Variants in SLC4A4 observed in about 807,000 individuals in gnomAD.
SLC4A4 encodes solute carrier family 4 member 4, also known as electrogenic sodium bicarbonate cotransporter 1.
A neutral mutation model predicts 111.5 loss-of-function variants in SLC4A4; 27 were observed. That is an observed-to-expected ratio of 0.24 (90% CI 0.18 to 0.33). SLC4A4 has a LOEUF of 0.33. Ranked by LOEUF, SLC4A4 falls within the 10% of genes least tolerant of loss-of-function variation. SLC4A4 has a pLI of 1.00. For missense variants in SLC4A4, 909 were observed against 1,315.5 expected (o/e 0.69, Z 4.78); for synonymous variants, 443 against 463.4 (o/e 0.96, Z 0.57).
At chr4:71,423,285 T>C (rs1448407608) in intron 7 of SLC4A4, among the ~76,000 whole-genome samples, 1 of 152,118 alleles carries the variant, frequency 6.6e-6, no homozygotes, top group African/African-American at 2.4e-5. Flanking sequence ...TTACAAGGGA[T>C]GTGAAGGACC....
chr4:71,282,136 A>T (rs1723568287), intron 3 of SLC4A4, among the ~76,000 whole-genome samples: 2 of 152,162 alleles, frequency 1.3e-5, no homozygotes, highest in Admixed American at 1.3e-4. Flanking sequence ...TTAAAAAATG[A>T]TCTGAGTTCT....
intron 14 of SLC4A4, among the ~76,000 whole-genome samples, chr4:71,481,706 A>G (rs1316707169): frequency 6.6e-6 from 1 of 151,630 alleles, no homozygotes; most frequent in Non-Finnish European, 1.5e-5. Flanking sequence ...AAATAGGCTA[A>G]GAAGGAAAAG....
intron 6 of SLC4A4, among the ~76,000 whole-genome samples, chr4:71,359,784 T>C (rs1730598690): frequency 6.6e-6 from 1 of 152,202 alleles, no homozygotes; most frequent in Non-Finnish European, 1.5e-5. Context: ...TCTGTTGTAG[T>C]TGGAGCTAGA....
At chr4:71,206,671 C>A (rs1352133760) in intron 1 of SLC4A4, among the ~76,000 whole-genome samples, 1 of 152,090 alleles carries the variant, frequency 6.6e-6, no homozygotes, top group Non-Finnish European at 1.5e-5. Flanking sequence ...AAAGATCAAA[C>A]TGTTAACTCC....
At chr4:71,318,095 A>G (rs1470688596) in intron 3 of SLC4A4, among the ~76,000 whole-genome samples, 2 of 152,060 alleles carry the variant, frequency 1.3e-5, no homozygotes, top group African/African-American at 4.8e-5. Context: ...TGAAAGAATA[A>G]AAATAAAACT....
intron 7 of SLC4A4, among the ~76,000 whole-genome samples, chr4:71,405,659 A>G (rs1412342189): frequency 1.3e-5 from 2 of 152,174 alleles, no homozygotes; most frequent in Non-Finnish European, 2.9e-5. Context: ...TATATGAGTT[A>G]TGTTCTAGAT....
At chr4:71,234,838 T>C (rs1719694035) in intron 1 of SLC4A4, among the ~76,000 whole-genome samples, 2 of 152,250 alleles carry the variant, frequency 1.3e-5, no homozygotes, top group East Asian at 3.9e-4. Context: ...AGAAGGAAAA[T>C]GATGTATATC....
chr4:71,124,791 T>C (rs1378567846), intron 2 of SLC4A4, among the ~76,000 whole-genome samples: 2 of 152,200 alleles, frequency 1.3e-5, no homozygotes, highest in African/African-American at 4.8e-5. Context: ...AAGCGAGGGG[T>C]GTGGACCCAG....
chr4:71,331,699 G>T (rs1321131556), intron 3 of SLC4A4, among the ~76,000 whole-genome samples: 4 of 149,872 alleles, frequency 2.7e-5, no homozygotes, highest in African/African-American at 9.9e-5. Context: ...CCTGCCCGTT[G>T]TGCACATGTA....
At chr4:71,193,412 G>C (rs1339996085) in intron 1 of SLC4A4, among the ~76,000 whole-genome samples, 3 of 152,164 alleles carry the variant, frequency 2.0e-5, no homozygotes, top group African/African-American at 7.2e-5. Context: ...GCCCGCCTTG[G>C]CCTCCCAAAG....
chr4:71,164,895 T>C (rs1744703050), intron 2 of SLC4A4, among the ~76,000 whole-genome samples: 1 of 151,876 alleles, frequency 6.6e-6, no homozygotes, highest in Admixed American at 6.6e-5. Flanking sequence ...GGGCAAAAGA[T>C]AGGAACAGAC....
At chr4:71,382,524 C>T (rs1249732852) in intron 6 of SLC4A4, among the ~76,000 whole-genome samples, 3 of 152,180 alleles carry the variant, frequency 2.0e-5, no homozygotes, top group Non-Finnish European at 4.4e-5. Context: ...TTTTCTTGGT[C>T]TGTGCAAATG....
chr4:71,086,787 G>T (rs1253628080), intron 1 of SLC4A4, among the ~76,000 whole-genome samples: 6 of 151,932 alleles, frequency 3.9e-5, no homozygotes, highest in Admixed American at 6.6e-5. Context: ...CTTCTTGATG[G>T]GCTGCTGGAT....
At chr4:71,514,835 G>A (rs1000781511) in intron 16 of SLC4A4, among the ~76,000 whole-genome samples, 1 of 152,078 alleles carries the variant, frequency 6.6e-6, no homozygotes, top group African/African-American at 2.4e-5. Context: ...GAGTTGTAAT[G>A]TGTCCTTTTT....
In SLC4A4 at chr4:71,501,922, C is replaced by A. The variant is rs187435031; in HGVS notation, c.2166+4230C>A. Among the ~76,000 whole-genome samples, 301 of 152,102 alleles carry A rather than the reference C, an allele frequency of 2.0e-3. 4 individuals are homozygous for A. The highest frequency in any genetic ancestry group is 6.9e-3 in the African/African-American group (286 of 41,522). The stretch of plus-strand genomic sequence containing the variant: ...TTGTGATCCCCCTGCCTAGGCCTCT[C>A]AAAGTGCTGGGATTACAGGCGTGAA... On this transcript the variant is annotated intron_variant, in intron 16 of 25. Transcript: ENST00000264485.
intron 1 of SLC4A4, among the ~76,000 whole-genome samples, chr4:71,085,260 T>G (rs1239545312): frequency 2.0e-5 from 3 of 152,098 alleles, no homozygotes; most frequent in Admixed American, 2.0e-4. Flanking sequence ...TTGTTTGTTT[T>G]TTTCTTGTAA....
intron 7 of SLC4A4, among the ~76,000 whole-genome samples, chr4:71,415,392 T>C (rs983585023): frequency 2.0e-5 from 3 of 152,176 alleles, no homozygotes; most frequent in Admixed American, 6.5e-5. Flanking sequence ...ATTATAATTA[T>C]TGGTACCATT....
chr4:71,556,246 A>G (rs1309238442), intron 21 of SLC4A4, among the ~76,000 whole-genome samples: 2 of 151,980 alleles, frequency 1.3e-5, no homozygotes, highest in East Asian at 3.9e-4. Context: ...ACAAAATACA[A>G]GGTGGTTCTT....
intron 1 of SLC4A4, among the ~76,000 whole-genome samples, chr4:71,226,482 C>G (rs1237887496): frequency 6.6e-6 from 1 of 152,066 alleles, no homozygotes; most frequent in Non-Finnish European, 1.5e-5. Flanking sequence ...AATTTGACCC[C>G]TACATTTGAG....
Sources: gnomAD v4.1 joint callset for allele counts (sites outside exome capture counted in the v4.1 genomes callset) on GRCh38, gnomAD v4.1.1 for gene constraint, MANE v1.5 for transcripts, NCBI Gene and HGNC (gene_info 2026-07-23, HGNC 2026-07-21) for gene names.